PDSS2: variants seen among roughly 807,000 people sequenced by gnomAD.
The protein encoded by PDSS2 is decaprenyl diphosphate synthase subunit 2.
Under a neutral mutation model 44.5 loss-of-function variants are expected in PDSS2, and 31 were observed. The observed-to-expected ratio is 0.70, with a 90% CI of 0.52 to 0.94. The LOEUF is 0.94. Ranked by LOEUF, PDSS2 falls within the 40% of genes least tolerant of loss-of-function variation. PDSS2 has a pLI of 0.00. For missense variants in PDSS2, 452 were observed against 482.2 expected (o/e 0.94, Z 0.59); for synonymous variants, 157 against 180.3 (o/e 0.87, Z 1.03).
intron 2 of PDSS2, among the ~76,000 whole-genome samples, chr6:107,275,993 G>A (rs557257207): frequency 1.3e-5 from 2 of 151,470 alleles, no homozygotes; most frequent in Admixed American, 1.3e-4. Context: ...GAGGGTGCAC[G>A]CCTGTAGTCC....
intron 7 of PDSS2, among the ~76,000 whole-genome samples, chr6:107,171,818 A>G (rs1771588352): frequency 6.6e-6 from 1 of 152,078 alleles, no homozygotes; most frequent in Admixed American, 6.6e-5. Context: ...GAGGCACTGC[A>G]CTCAGCCTAA....
At chr6:107,348,425 ATGT>A (rs1778322703) in intron 1 of PDSS2, among the ~76,000 whole-genome samples, 1 of 152,244 alleles carries the variant, frequency 6.6e-6, no homozygotes, top group Non-Finnish European at 1.5e-5. Flanking sequence ...GGAACCAATA[ATGT>A]TGAGTCATTG....
intron 2 of PDSS2, among the ~76,000 whole-genome samples, chr6:107,315,562 G>A (rs537261267): frequency 2.0e-5 from 3 of 152,210 alleles, no homozygotes; most frequent in African/African-American, 7.2e-5. Flanking sequence ...TGTCATGTCA[G>A]ACCCTGTGAT....
chr6:107,173,534 A>T (rs1043318152), intron 7 of PDSS2, among the ~76,000 whole-genome samples: 3 of 130,592 alleles, frequency 2.3e-5, no homozygotes, highest in African/African-American at 5.7e-5. Flanking sequence ...AGATCGCGCC[A>T]CTGCACTCCA....
chr6:107,443,046 C>T lies in PDSS2; in HGVS notation c.296+15944G>A, dbSNP rs1781557124. On this transcript the variant is annotated intron_variant, in intron 1 of 7. Coordinates refer to ENST00000369037, the MANE Select transcript of PDSS2 (RefSeq NM_020381.4). ...CTATTTCCCTTATTTGAATATAAAT[C>T]CTGGGGAGGGGAAGGGAGAGGAGGG... Among the ~76,000 whole-genome samples, 3 of 152,052 alleles carry T rather than the reference C, an allele frequency of 2.0e-5. No individual in the cohort carries two copies. In the South Asian group the frequency reaches 6.2e-4, roughly 32 times the overall value.
rs368148404 is a variant in PDSS2, at chr6:107,286,233, C to T, written c.432-12006G>A. ...ATACTAAAATATACCATAGGCTGGGCGCAGTGGCTAACGCCTGTAATCCCA... is the reference window on the plus strand; with the variant it reads ...ATACTAAAATATACCATAGGCTGGGTGCAGTGGCTAACGCCTGTAATCCCA... On this transcript the variant is annotated intron_variant, in intron 2 of 7. Transcript: ENST00000369037. 9.0e-4 allele frequency among the ~76,000 whole-genome samples: 137 copies of T among 151,766 alleles called. 1 individual carries two copies. The South Asian group carries it at 0.025, about 28-fold the overall frequency.
intron 1 of PDSS2, among the ~76,000 whole-genome samples, chr6:107,454,220 G>T (rs1781962742): frequency 6.6e-6 from 1 of 151,686 alleles, no homozygotes. Flanking sequence ...ATAATTTTTG[G>T]TATTTTTTGT....
At chr6:107,265,614 T>A (rs1775387906) in intron 3 of PDSS2, among the ~76,000 whole-genome samples, 1 of 152,216 alleles carries the variant, frequency 6.6e-6, no homozygotes, top group Non-Finnish European at 1.5e-5. Flanking sequence ...TTAAATAGAA[T>A]CTAACTTTAC....
At chr6:107,303,443 T>C (rs1380455251) in intron 2 of PDSS2, among the ~76,000 whole-genome samples, 2 of 152,242 alleles carry the variant, frequency 1.3e-5, no homozygotes, top group African/African-American at 2.4e-5. Context: ...GTTATCTCTT[T>C]TATAGCTTAG....
intron 1 of PDSS2, among the ~76,000 whole-genome samples, chr6:107,407,100 G>A (rs1001240857): frequency 6.6e-6 from 1 of 152,178 alleles, no homozygotes; most frequent in East Asian, 1.9e-4. Context: ...TCCATAAGAT[G>A]CAATATTATT....
At chr6:107,300,717 T>C (rs1776666719) in intron 2 of PDSS2, among the ~76,000 whole-genome samples, 2 of 152,126 alleles carry the variant, frequency 1.3e-5, no homozygotes, top group Admixed American at 1.3e-4. Context: ...GGGAGCTCTG[T>C]TTTCACTCTA....
At chr6:107,260,758 T>G (rs1562415792) in intron 3 of PDSS2, among the ~76,000 whole-genome samples, 1 of 149,820 alleles carries the variant, frequency 6.7e-6, no homozygotes, top group Non-Finnish European at 1.5e-5. Context: ...CCACCTCCCG[T>G]GTTCAAGCCA....
intron 1 of PDSS2, among the ~76,000 whole-genome samples, chr6:107,420,357 T>C (rs573841787): frequency 7.9e-5 from 12 of 152,256 alleles, no homozygotes; most frequent in African/African-American, 2.9e-4. Context: ...CTATGATAGA[T>C]ACAGACAAGC....
rs573758909 is a variant in PDSS2, at chr6:107,398,885, C to T, written c.296+60105G>A. ...CAGTTCACATGAGAAAGGGGCTTCC[C>T]TCTCTAGACTTTCAGTGTATCTCCT... On this transcript the variant is annotated intron_variant, in intron 1 of 7. Transcript: ENST00000369037. 1.2e-4 allele frequency among the ~76,000 whole-genome samples: 19 copies of T among 152,308 alleles called. 1 individual carries two copies. In the South Asian group the frequency reaches 2.9e-3, roughly 23 times the overall value.
chr6:107,274,667 CTTTTTTTTTTT>C (rs5878910), intron 2 of PDSS2, among the ~76,000 whole-genome samples: 1 of 106,556 alleles, frequency 9.4e-6, no homozygotes, highest in East Asian at 2.7e-4. Context: ...ATCTCTCTCT[CTTTTTTTTTTT>C]TTTTTTTTTG....
At chr6:107,328,553 G>A (rs1777619626) in intron 2 of PDSS2, among the ~76,000 whole-genome samples, 1 of 152,108 alleles carries the variant, frequency 6.6e-6, no homozygotes, top group Admixed American at 6.5e-5. Context: ...TGGGTTTACA[G>A]GTGTGAGCCA....
chr6:107,305,805 G>T (rs1261657978), intron 2 of PDSS2, among the ~76,000 whole-genome samples: 1 of 152,098 alleles, frequency 6.6e-6, no homozygotes, highest in East Asian at 1.9e-4. Flanking sequence ...TATGTGGAAG[G>T]TACCCCAGAA....
At chr6:107,458,204 G>T (rs1782109954) in intron 1 of PDSS2, among the ~76,000 whole-genome samples, 1 of 150,520 alleles carries the variant, frequency 6.6e-6, no homozygotes, top group Non-Finnish European at 1.5e-5. Flanking sequence ...AAAAACTTTT[G>T]GCCGGGCACG....
At chr6:107,319,013 CACACACACACACAT>C (rs1354744147) in intron 2 of PDSS2, among the ~76,000 whole-genome samples, 3 of 150,122 alleles carry the variant, frequency 2.0e-5, no homozygotes, top group Middle Eastern at 3.4e-3. Context: ...TATATACACA[CACACACACACACAT>C]ACACACACAC....
Sources: gnomAD v4.1 joint callset for allele counts (sites outside exome capture counted in the v4.1 genomes callset) on GRCh38, gnomAD v4.1.1 for gene constraint, MANE v1.5 for transcripts, NCBI Gene and HGNC (gene_info 2026-07-23, HGNC 2026-07-21) for gene names.